The following ASTN1 variants were observed in gnomAD, a reference collection of about 807,000 sequenced individuals.
ASTN1 encodes astrotactin 1.
Under a neutral mutation model 140.7 loss-of-function variants are expected in ASTN1, and 41 were observed. The ratio of observed to expected loss-of-function variants is 0.29; its 90% CI spans 0.23 to 0.38. The LOEUF is 0.38. ASTN1 is among the 10% of genes least tolerant of loss of function. ASTN1 has a pLI of 1.00. For missense variants in ASTN1, 1,479 were observed against 1,678.8 expected (o/e 0.88, Z 2.08); for synonymous variants, 640 against 652.2 (o/e 0.98, Z 0.29).
In ASTN1 at chr1:176,958,380, C is replaced by A; in HGVS notation, c.1701G>T (p.Thr567=). 1 of 1,614,106 alleles carries A rather than the reference C, an allele frequency of 6.2e-7. No homozygotes were observed. Among genetic ancestry groups the A allele is most frequent in the Middle Eastern group, 1.7e-4 (1 of 6,060 alleles). ...LAINPSAKCK[T]DMTVMEDAVE... ...CAGCATCCTCCATCACAGTCATGTC[C>A]GTCTTGCACTTTGCTGATGGATTGA... is the stretch of plus-strand genomic sequence containing the variant. Residue 567 remains threonine (T), a synonymous_variant, in exon 10 of 23, where the codon ACG becomes ACT. Coordinates refer to ENST00000361833, the MANE Select transcript of ASTN1 (RefSeq NM_004319.3).
Position 176,965,143 on chromosome 1 carries a change from G to C in ASTN1, c.1598+20C>G. On this transcript the variant is annotated intron_variant, in intron 9 of 22. Transcript: ENST00000361833. ...AGGGTTTGCAGACGTACATAAGCAA[G>C]TCCCTAGACAATCACTTACCTAAAT... The C allele has an allele frequency of 6.2e-7, 1 of 1,610,642 alleles. No homozygotes were observed. Among genetic ancestry groups the C allele is most frequent in the South Asian group, 1.1e-5 (1 of 90,930 alleles).
At chr1:176,874,377 A>G (rs897682281) in intron 21 of ASTN1, among the ~76,000 whole-genome samples, 2 of 152,242 alleles carry the variant, frequency 1.3e-5, no homozygotes, top group African/African-American at 4.8e-5. Context: ...TAACTTGAAC[A>G]GTCTTTTAAA....
chr1:177,064,062 T>C (rs987308598), intron 1 of ASTN1, among the ~76,000 whole-genome samples: 6 of 152,138 alleles, frequency 3.9e-5, no homozygotes, highest in African/African-American at 1.2e-4. Flanking sequence ...TCTGTTTCCA[T>C]TGTGGAAGCA....
intron 2 of ASTN1, among the ~76,000 whole-genome samples, chr1:177,054,578 G>C (rs1303248504): frequency 6.6e-6 from 1 of 152,174 alleles, no homozygotes; most frequent in Non-Finnish European, 1.5e-5. Context: ...ATTCACCTGT[G>C]GGATAACCTG....
intron 13 of ASTN1, among the ~76,000 whole-genome samples, chr1:176,945,562 G>T (rs1037391159): frequency 1.3e-5 from 2 of 152,176 alleles, no homozygotes; most frequent in Admixed American, 6.5e-5. Context: ...GGACCCTTAG[G>T]TATCCTTGGA....
At chr1:176,981,143 C>T (rs982551992) in intron 8 of ASTN1, among the ~76,000 whole-genome samples, 1 of 130,176 alleles carries the variant, frequency 7.7e-6, no homozygotes, top group Admixed American at 9.7e-5. Context: ...ACTCAGGAGG[C>T]AGAGACTGCA....
chr1:177,085,312 G>T (rs903500849), intron 1 of ASTN1, among the ~76,000 whole-genome samples: 5 of 152,098 alleles, frequency 3.3e-5, no homozygotes, highest in African/African-American at 4.8e-5. Context: ...TGAAGGAAAA[G>T]TATCTGGTTG....
At chr1:177,065,212 G>C (rs61075998) in intron 1 of ASTN1, among the ~76,000 whole-genome samples, 20,053 of 152,058 alleles carry the variant, frequency 0.13, 1,701 homozygotes, top group African/African-American at 0.24. Flanking sequence ...AGCACCAATG[G>C]CATCATCACG....
chr1:177,157,918 T>G (rs1410847217), intron 1 of ASTN1, among the ~76,000 whole-genome samples: 1 of 152,210 alleles, frequency 6.6e-6, no homozygotes, highest in Non-Finnish European at 1.5e-5. Context: ...TTTACCCACA[T>G]TGATATATGT....
intron 1 of ASTN1, among the ~76,000 whole-genome samples, chr1:177,135,378 G>A (rs1013947482): frequency 6.6e-6 from 1 of 150,784 alleles, no homozygotes; most frequent in Non-Finnish European, 1.5e-5. Context: ...TCTGCCCACC[G>A]AGCCCTGCTT....
chr1:176,937,144 T>C (rs898006140), intron 14 of ASTN1, among the ~76,000 whole-genome samples: 3 of 152,230 alleles, frequency 2.0e-5, no homozygotes, highest in Admixed American at 1.3e-4. Context: ...ACCTGATTTT[T>C]ACTCTCTTTA....
intron 1 of ASTN1, among the ~76,000 whole-genome samples, chr1:177,071,843 T>C (rs1678652626): frequency 6.6e-6 from 1 of 152,204 alleles, no homozygotes; most frequent in African/African-American, 2.4e-5. Context: ...TAGGTATCTC[T>C]GTGGCATCAT....
intron 1 of ASTN1, among the ~76,000 whole-genome samples, chr1:177,147,852 G>C (rs1396710978): frequency 6.6e-6 from 1 of 152,166 alleles, no homozygotes; most frequent in Non-Finnish European, 1.5e-5. Flanking sequence ...TCTGCTAGGA[G>C]AAAGACACCT....
chr1:176,996,987 A>C (rs1467400059), intron 8 of ASTN1, among the ~76,000 whole-genome samples: 1 of 152,194 alleles, frequency 6.6e-6, no homozygotes, highest in Admixed American at 6.5e-5. Flanking sequence ...ATTCAAACAA[A>C]AAACAGCCTA....
At chr1:177,131,639 A>G (rs1384292359) in intron 1 of ASTN1, among the ~76,000 whole-genome samples, 1 of 152,240 alleles carries the variant, frequency 6.6e-6, no homozygotes. Context: ...AGGCTTTAAA[A>G]GAGGAAAACA....
chr1:176,961,942 GA>G (rs1443952498), intron 9 of ASTN1, among the ~76,000 whole-genome samples: 1 of 152,198 alleles, frequency 6.6e-6, no homozygotes, highest in Non-Finnish European at 1.5e-5. Context: ...TGTTCAACTA[GA>G]GCTAGAAATT....
chr1:177,052,614 A>C (rs780754192), intron 2 of ASTN1, among the ~76,000 whole-genome samples: 1 of 152,150 alleles, frequency 6.6e-6, no homozygotes, highest in Non-Finnish European at 1.5e-5. Flanking sequence ...GTTGGTTCTC[A>C]ATGACCAGCA....
intron 8 of ASTN1, among the ~76,000 whole-genome samples, chr1:177,003,511 T>C (rs1674840882): frequency 6.6e-6 from 1 of 152,058 alleles, no homozygotes; most frequent in East Asian, 1.9e-4. Flanking sequence ...AAAAGCCATA[T>C]ATGAAAACCC....
intron 1 of ASTN1, among the ~76,000 whole-genome samples, chr1:177,129,207 A>G (rs112235719): frequency 2.9e-4 from 44 of 152,326 alleles, no homozygotes; most frequent in African/African-American, 1.0e-3. Flanking sequence ...TGTAAGGGAT[A>G]AGAGTGTCAG....
Sources: allele counts gnomAD v4.1 joint callset (sites outside exome capture counted in the v4.1 genomes callset), GRCh38; gene constraint gnomAD v4.1.1; transcripts MANE v1.5; gene names NCBI Gene and HGNC (gene_info 2026-07-23, HGNC 2026-07-21).